Variants in NRG1 observed in about 807,000 individuals in gnomAD.
The protein encoded by NRG1 is neuregulin 1, also known as pro-neuregulin-1, membrane-bound isoform.
NRG1 carries 18 observed loss-of-function variants against 63.8 expected under a neutral mutation model. The ratio of observed to expected loss-of-function variants is 0.28; its 90% CI spans 0.19 to 0.42. The LOEUF (loss-of-function observed/expected upper bound fraction) is 0.42, where lower values mean the gene tolerates loss of function less well. NRG1 is among the 10% of genes least tolerant of loss of function. NRG1 has a pLI of 1.00. For missense variants in NRG1, 762 were observed against 814.7 expected, an observed-to-expected ratio of 0.94 and a Z score of 0.79; for synonymous variants, 302 against 301.3, an observed-to-expected ratio of 1.00 and a Z score of -0.02.
intron 1 of NRG1, among the ~76,000 whole-genome samples, chr8:31,885,252 T>C (rs963339114): frequency 6.6e-6 from 1 of 152,056 alleles, no homozygotes; most frequent in African/African-American, 2.4e-5. Context: ...TTTGGATGTA[T>C]CAGAAGGGAT....
intron 1 of NRG1, among the ~76,000 whole-genome samples, chr8:32,562,107 G>A (rs775975456): frequency 2.9e-4 from 44 of 152,212 alleles, no homozygotes; most frequent in Middle Eastern, 3.4e-3. Flanking sequence ...TTTGAGGGTG[G>A]TAGAGACTCC....
At chr8:32,346,204 G>A (rs989669036) in intron 1 of NRG1, among the ~76,000 whole-genome samples, 1 of 146,536 alleles carries the variant, frequency 6.8e-6, no homozygotes, top group African/African-American at 2.5e-5. Flanking sequence ...TATATATGTA[G>A]ATGAATAGAT....
intron 1 of NRG1, among the ~76,000 whole-genome samples, chr8:31,811,603 T>C (rs1000152548): frequency 3.3e-5 from 5 of 152,194 alleles, no homozygotes; most frequent in Non-Finnish European, 1.5e-5. Flanking sequence ...GCTTAACAAA[T>C]GTAGCTACAC....
chr8:32,423,460 A>G (rs1207679554), intron 1 of NRG1, among the ~76,000 whole-genome samples: 1 of 152,178 alleles, frequency 6.6e-6, no homozygotes, highest in Admixed American at 6.5e-5. Flanking sequence ...CCTGGGCAAC[A>G]AAGTGAAATC....
intron 1 of NRG1, among the ~76,000 whole-genome samples, chr8:31,643,299 A>T (rs993159766): frequency 3.3e-5 from 5 of 152,200 alleles, no homozygotes; most frequent in Non-Finnish European, 7.3e-5. Flanking sequence ...GAAGGAATAG[A>T]GCAAAGTCAT....
chr8:31,861,962 T>C (rs1397409900), intron 1 of NRG1, among the ~76,000 whole-genome samples: 1 of 152,126 alleles, frequency 6.6e-6, no homozygotes, highest in Non-Finnish European at 1.5e-5. Context: ...GATGAAGCAG[T>C]ATGTTATCAG....
chr8:32,424,873 AAAAC>A (rs1817152405), intron 1 of NRG1, among the ~76,000 whole-genome samples: 2 of 152,178 alleles, frequency 1.3e-5, no homozygotes, highest in Admixed American at 1.3e-4. Context: ...AAAACAGAAC[AAAAC>A]AAACAACAAA....
chr8:32,025,414 A>G (rs1424786806), intron 1 of NRG1, among the ~76,000 whole-genome samples: 1 of 152,168 alleles, frequency 6.6e-6, no homozygotes, highest in Non-Finnish European at 1.5e-5. Context: ...TGATGGATAG[A>G]TGGATATATA....
intron 1 of NRG1, among the ~76,000 whole-genome samples, chr8:31,862,696 T>A (rs375680926): frequency 2.6e-5 from 4 of 152,202 alleles, no homozygotes; most frequent in Non-Finnish European, 5.9e-5. Context: ...AGTAGCTAAA[T>A]ATGCTAAGAG....
chr8:32,287,751 G>A (rs184934248), intron 1 of NRG1, among the ~76,000 whole-genome samples: 74 of 152,250 alleles, frequency 4.9e-4, no homozygotes, highest in Admixed American at 1.5e-3. Context: ...ACAATCCACC[G>A]TACTACCACC....
chr8:32,122,863 G>A (rs1331897301), intron 1 of NRG1, among the ~76,000 whole-genome samples: 1 of 151,674 alleles, frequency 6.6e-6, no homozygotes, highest in Non-Finnish European at 1.5e-5. Context: ...CTGTGAGTGA[G>A]AACACACGGT....
chr8:32,017,355 A>G (rs1457523394), intron 1 of NRG1, among the ~76,000 whole-genome samples: 1 of 152,198 alleles, frequency 6.6e-6, no homozygotes, highest in East Asian at 1.9e-4. Context: ...CACAACAATC[A>G]ACACAGATGA....
chr8:32,082,241 T>TA (rs1429316003), intron 1 of NRG1, among the ~76,000 whole-genome samples: 1 of 150,972 alleles, frequency 6.6e-6, no homozygotes, highest in Non-Finnish European at 1.5e-5. Flanking sequence ...CCAGGGTACA[T>TA]ATGCAGATTT....
intron 1 of NRG1, among the ~76,000 whole-genome samples, chr8:31,955,807 G>A (rs1288766195): frequency 6.6e-6 from 1 of 151,844 alleles, no homozygotes. Context: ...GGAGGCTGAA[G>A]CACATGGATC....
chr8:32,280,567 G>A (rs189136644), intron 1 of NRG1, among the ~76,000 whole-genome samples: 16 of 152,170 alleles, frequency 1.1e-4, no homozygotes, highest in East Asian at 1.9e-4. Context: ...CCCAGGGGCC[G>A]TAGAGGGAGA....
chr8:32,326,307 C>CTTTTTT (rs745434807), intron 1 of NRG1, among the ~76,000 whole-genome samples: 2 of 101,412 alleles, frequency 2.0e-5, no homozygotes, highest in Non-Finnish European at 3.9e-5. Context: ...TGTGCCCAGG[C>CTTTTTT]TTTTTTTTTT....
intron 1 of NRG1, among the ~76,000 whole-genome samples, chr8:31,933,302 CAG>C (rs1380136578): frequency 6.6e-6 from 1 of 150,422 alleles, no homozygotes; most frequent in Non-Finnish European, 1.5e-5. Flanking sequence ...TTTTTTGAGA[CAG>C]AGTTTCACTC....
chr8:32,644,107 A>G (rs2466044), intron 5 of NRG1, among the ~76,000 whole-genome samples: 12,508 of 152,212 alleles, frequency 0.082, 538 homozygotes, highest in South Asian at 0.14. Flanking sequence ...TATGGACTGT[A>G]TGGGATTAGT....
At chr8:32,412,420 C>CATATATATATATATATATATGTATATATA (rs1815116027) in intron 1 of NRG1, among the ~76,000 whole-genome samples, 1 of 41,820 alleles carries the variant, frequency 2.4e-5, no homozygotes, top group Non-Finnish European at 5.7e-5. Flanking sequence ...CTCTCTCTCT[C>CATATATATATATATATATATGTATATATA]TACATATATA....
Sources: allele counts gnomAD v4.1 joint callset (sites outside exome capture counted in the v4.1 genomes callset), GRCh38; gene constraint gnomAD v4.1.1; transcripts MANE v1.5; gene names NCBI Gene and HGNC (gene_info 2026-07-23, HGNC 2026-07-21).